The following ATAD2B variants were observed in gnomAD, a reference collection of about 807,000 sequenced individuals.
ATAD2B encodes the protein ATPase family AAA domain-containing protein 2B.
In ATAD2B, 40 loss-of-function variants were observed where a neutral mutation model predicts 167.6. That is an observed-to-expected ratio of 0.24 (90% CI 0.19 to 0.31). The LOEUF (loss-of-function observed/expected upper bound fraction) is 0.31, where lower values mean the gene tolerates loss of function less well. ATAD2B is among the 10% of genes least tolerant of loss of function. The pLI, the probability that ATAD2B is intolerant of heterozygous loss-of-function variation, is 1.00. For missense variants in ATAD2B, 1,242 were observed against 1,757.2 expected (o/e 0.71, Z 5.24); for synonymous variants, 579 against 596.5 (o/e 0.97, Z 0.43).
chr2:23,869,514 T>C (rs559318553), intron 9 of ATAD2B, 149 bp downstream of exon 9: 123 of 613,018 alleles, frequency 2.0e-4, no homozygotes, highest in African/African-American at 1.7e-3. Context: ...TAGATTTTTA[T>C]TGAAAGAAAA....
chr2:23,874,821 C>T (rs1433722563), intron 8 of ATAD2B, among the ~76,000 whole-genome samples: 5 of 152,030 alleles, frequency 3.3e-5, no homozygotes, highest in East Asian at 1.9e-4. Flanking sequence ...CTTTGGGAGG[C>T]CAAGGCAGGC....
chr2:23,806,450 G>C (rs1265205047), intron 18 of ATAD2B, among the ~76,000 whole-genome samples: 2 of 152,156 alleles, frequency 1.3e-5, no homozygotes, highest in African/African-American at 4.8e-5. Context: ...CTCTTGCACA[G>C]GCATACTTTC....
intron 1 of ATAD2B, chr2:23,901,150 G>A: frequency 6.2e-6 from 1 of 162,074 alleles, no homozygotes; most frequent in African/African-American, 2.4e-5. Context: ...GGTTGCATAA[G>A]TTTGTCTACG....
the ATAD2B span, among the ~76,000 whole-genome samples, chr2:23,705,231 G>A: frequency 6.6e-6 from 1 of 152,182 alleles, no homozygotes; most frequent in African/African-American, 2.4e-5. Flanking sequence ...AGTGGCTCAC[G>A]CCTGTAATCC....
chr2:23,888,459 A>G, intron 2 of ATAD2B, 60 bp from the exon 3 acceptor site: 1 of 1,004,532 alleles, frequency 1.0e-6, no homozygotes, highest in Non-Finnish European at 1.4e-6. Context: ...TAAGCAAGAA[A>G]TGAAATACTG....
At chr2:23,841,491 C>G (rs1690900788) in intron 13 of ATAD2B, among the ~76,000 whole-genome samples, 1 of 151,946 alleles carries the variant, frequency 6.6e-6, no homozygotes, top group African/African-American at 2.4e-5. Flanking sequence ...AAGATTCATC[C>G]ATGGTGTGGC....
chr2:23,686,475 G>A, the ATAD2B span, among the ~76,000 whole-genome samples: 4 of 152,268 alleles, frequency 2.6e-5, no homozygotes, highest in African/African-American at 9.6e-5. Context: ...ATTGGTTCAA[G>A]TGATGCCCAG....
chr2:23,868,077 G>T, intron 9 of ATAD2B, 131 bp from the exon 10 acceptor site: 1 of 636,608 alleles, frequency 1.6e-6, no homozygotes. Flanking sequence ...AATATCAAAG[G>T]ATTTCATACT....
intron 1 of ATAD2B, among the ~76,000 whole-genome samples, chr2:23,909,656 C>G (rs1459421422): frequency 1.3e-5 from 2 of 151,834 alleles, no homozygotes; most frequent in Non-Finnish European, 2.9e-5. Flanking sequence ...CTCGGAAGAA[C>G]AAACTGGAGA....
At chr2:23,903,088 T>C (rs1469034233) in intron 1 of ATAD2B, among the ~76,000 whole-genome samples, 1 of 151,772 alleles carries the variant, frequency 6.6e-6, no homozygotes, top group Non-Finnish European at 1.5e-5. Flanking sequence ...ATAGAAAAAT[T>C]AGCCAGGTGT....
chr2:23,708,450 A>C, the ATAD2B span: 1 of 152,242 alleles, frequency 6.6e-6, no homozygotes, highest in African/African-American at 2.4e-5. Context: ...CACAGATGAC[A>C]TTGAAATTCG....
the ATAD2B span, among the ~76,000 whole-genome samples, chr2:23,732,697 C>T: frequency 6.6e-6 from 1 of 152,202 alleles, no homozygotes; most frequent in East Asian, 1.9e-4. Flanking sequence ...CTTACCATCT[C>T]TATCTATACC....
chr2:23,754,980 A>G (rs993990320), intron 25 of ATAD2B: 2 of 449,248 alleles, frequency 4.5e-6, no homozygotes, highest in Non-Finnish European at 7.8e-6. Context: ...AAACTAAACT[A>G]CAACTTAAAA....
At chr2:23,698,405 G>C in the ATAD2B span, among the ~76,000 whole-genome samples, 1 of 152,162 alleles carries the variant, frequency 6.6e-6, no homozygotes, top group Non-Finnish European at 1.5e-5. Flanking sequence ...GACCCCCTTC[G>C]GGTAGGTTGC....
chr2:23,741,256 A>G, the ATAD2B span, among the ~76,000 whole-genome samples: 1 of 152,106 alleles, frequency 6.6e-6, no homozygotes, highest in Non-Finnish European at 1.5e-5. Context: ...TCAATCCTAA[A>G]CCAAAAGAAC....
At position 23,845,570 on chromosome 2, in the gene ATAD2B, ATTTT is replaced by A. The variant is rs71402518; in HGVS notation, c.1569-11496_1569-11493del. 1.1e-3 allele frequency among the ~76,000 whole-genome samples: 93 copies of A among 87,666 alleles called. 1 individual carries two copies. The highest frequency in any genetic ancestry group is 1.1e-3 in the African/African-American group (22 of 20,392). The allele number at this position is 87,666 out of a possible 152,430, so 57.5% of individuals were successfully genotyped here. ...ATTTACTGTAAATGGGCATGCTGGA[ATTTT>A]TTTTTTTTTTTTTTTTTTTTTTTGA... On this transcript the variant is annotated intron_variant, in intron 13 of 27. Coordinates refer to ENST00000238789, the MANE Select transcript of ATAD2B (RefSeq NM_017552.4).
the ATAD2B span, among the ~76,000 whole-genome samples, chr2:23,741,206 A>G: frequency 1.3e-5 from 2 of 152,098 alleles, no homozygotes; most frequent in African/African-American, 2.4e-5. Flanking sequence ...AAACTACTTT[A>G]AAGTTCATAT....
intron 22 of ATAD2B, 96 bp from the exon 23 acceptor site, chr2:23,765,724 A>C: frequency 1.1e-5 from 9 of 808,966 alleles, no homozygotes; most frequent in Non-Finnish European, 1.6e-5. Flanking sequence ...ACAAAATTAT[A>C]AAAAGCATTG....
At chr2:23,812,592 G>GT (rs1685769127) in intron 17 of ATAD2B, among the ~76,000 whole-genome samples, 1 of 152,166 alleles carries the variant, frequency 6.6e-6, no homozygotes, top group Non-Finnish European at 1.5e-5. Context: ...GCCGGGCACA[G>GT]TGGCTCACGC....
Sources: gnomAD v4.1 joint callset for allele counts (sites outside exome capture counted in the v4.1 genomes callset) on GRCh38, gnomAD v4.1.1 for gene constraint, MANE v1.5 for transcripts, NCBI Gene and HGNC (gene_info 2026-07-23, HGNC 2026-07-21) for gene names.